Variants in ANKS1A observed in about 807,000 individuals in gnomAD.
ANKS1A encodes ankyrin repeat and SAM domain-containing protein 1A.
A neutral mutation model predicts 120.3 loss-of-function variants in ANKS1A; 55 were observed. The ratio of observed to expected loss-of-function variants is 0.46; its 90% CI spans 0.37 to 0.57. The LOEUF is 0.57. Ranked by LOEUF, ANKS1A falls within the 20% of genes least tolerant of loss-of-function variation. ANKS1A has a pLI of 0.00. For missense variants in ANKS1A, 1,123 were observed against 1,480.3 expected (o/e 0.76, Z 3.96); for synonymous variants, 590 against 604.7 (o/e 0.98, Z 0.36).
intron 1 of ANKS1A, among the ~76,000 whole-genome samples, chr6:34,897,629 A>G (rs1767154887): frequency 6.6e-6 from 1 of 152,212 alleles, no homozygotes; most frequent in South Asian, 2.1e-4. Context: ...AGAGAAAATT[A>G]TATCGTATAA....
downstream of ANKS1A, among the ~76,000 whole-genome samples, chr6:35,092,544 G>A (rs1460413257): frequency 6.6e-6 from 1 of 152,164 alleles, no homozygotes; most frequent in Non-Finnish European, 1.5e-5. Flanking sequence ...GAGGCCCAGT[G>A]GGGGAGGCCT....
chr6:34,954,242 G>T (rs918897330), intron 1 of ANKS1A, among the ~76,000 whole-genome samples: 3 of 152,048 alleles, frequency 2.0e-5, no homozygotes, highest in Admixed American at 1.3e-4. Context: ...AGAGGGAGCC[G>T]GTGTCTCACT....
rs369503225 is a variant in ANKS1A at position 34,929,293 on chromosome 6, CTT to C, written c.198-37945_198-37944del. On this transcript the variant is annotated intron_variant, in intron 1 of 23. Coordinates refer to ENST00000360359, the MANE Select transcript of ANKS1A (RefSeq NM_015245.3). ...GGTTACATTTTATGTACTTTTGACTCTTATAAGCAAAAGTACCTTGCATGGTA... is the reference window on the plus strand; with the variant it reads ...GGTTACATTTTATGTACTTTTGACTCATAAGCAAAAGTACCTTGCATGGTA... Among the ~76,000 whole-genome samples the C allele has an allele frequency of 4.2e-3, 645 of 152,134 alleles. 2 individuals carry two copies. The highest frequency in any genetic ancestry group is 0.014 in the African/African-American group (582 of 41,510).
rs1778170847 is a variant in ANKS1A at position 35,089,297 on chromosome 6, T to C, written c.*688T>C. On this transcript the variant is annotated 3_prime_UTR_variant, in exon 24 of 24. Coordinates refer to ENST00000360359, the MANE Select transcript of ANKS1A (RefSeq NM_015245.3). ...TTTCTGGGGTTCCCGATGGGAAGGT[T>C]CAGTGGCCAAATGAAGATAAGTGTG... The C allele has an allele frequency of 1.0e-6, 1 of 987,816 alleles. No individual in the cohort carries two copies. The highest frequency in any genetic ancestry group is 1.7e-5 in the African/African-American group (1 of 57,350). The allele number at this position is 987,816 out of a possible 1,614,324, so 61.2% of individuals were successfully genotyped here. A position where few individuals can be genotyped will look rare whatever the true frequency, so the allele number is the denominator to read the frequency against.
chr6:35,005,638 G>A (rs1773407524), intron 10 of ANKS1A: 2 of 407,240 alleles, frequency 4.9e-6, no homozygotes, highest in African/African-American at 2.1e-5. Flanking sequence ...AGAAAGAAAA[G>A]TAAAAGTAAA....
At chr6:35,080,436 T>C (rs1288380437) in intron 16 of ANKS1A, among the ~76,000 whole-genome samples, 1 of 152,196 alleles carries the variant, frequency 6.6e-6, no homozygotes, top group African/African-American at 2.4e-5. Context: ...GGCCAGAACA[T>C]GCAGGAATGG....
chr6:34,980,432 T>G (rs1015977915), intron 3 of ANKS1A, among the ~76,000 whole-genome samples: 1 of 152,220 alleles, frequency 6.6e-6, no homozygotes, highest in Admixed American at 6.5e-5. Context: ...CTTGGTATAG[T>G]TGGAAAAAAT....
At chr6:35,035,414 A>C (rs1305537905) in intron 11 of ANKS1A, among the ~76,000 whole-genome samples, 3 of 152,240 alleles carry the variant, frequency 2.0e-5, no homozygotes, top group Non-Finnish European at 4.4e-5. Flanking sequence ...TCTAAAATAC[A>C]CTTCTATTTA....
At chr6:34,953,335 G>T (rs927118212) in intron 1 of ANKS1A, among the ~76,000 whole-genome samples, 5 of 152,194 alleles carry the variant, frequency 3.3e-5, no homozygotes, top group Non-Finnish European at 1.5e-5. Flanking sequence ...CTGGGAAGGT[G>T]AGGAAGAAGT....
chr6:34,961,782 C>G (rs1250473737), intron 1 of ANKS1A, among the ~76,000 whole-genome samples: 1 of 152,172 alleles, frequency 6.6e-6, no homozygotes, highest in Non-Finnish European at 1.5e-5. Flanking sequence ...CCGCTTTAAC[C>G]AGCCTTGGTG....
rs1370229823 is a variant in ANKS1A at position 35,044,912 on chromosome 6, CTG to C, written c.2011-9184_2011-9183del. Among the ~76,000 whole-genome samples the C allele has an allele frequency of 6.6e-6, 1 of 152,202 alleles. No homozygotes were observed. Among genetic ancestry groups the C allele is most frequent in the African/African-American group, 2.4e-5 (1 of 41,444 alleles). ...GTGGTGTGGACTATTTGCCTGGCATCTGTGGTTTTACGAGGACTACAGATGTT... is the reference window on the plus strand; with the variant it reads ...GTGGTGTGGACTATTTGCCTGGCATCTGGTTTTACGAGGACTACAGATGTT... On this transcript the variant is annotated intron_variant, in intron 11 of 23. Coordinates refer to ENST00000360359, the MANE Select transcript of ANKS1A (RefSeq NM_015245.3). This position sits in a 1 kb window ranked among gnomAD's most constrained non-coding sequence, Gnocchi z 4.4.
intron 9 of ANKS1A, among the ~76,000 whole-genome samples, chr6:34,991,731 CACATATATAT>C (rs1581608765): frequency 2.5e-5 from 2 of 79,500 alleles, no homozygotes; most frequent in Non-Finnish European, 5.1e-5. Context: ...TACATATATA[CACATATATAT>C]ACATATATAC....
intron 10 of ANKS1A, chr6:35,009,980 A>G: frequency 3.9e-6 from 1 of 259,584 alleles, no homozygotes; most frequent in Non-Finnish European, 7.6e-6. Context: ...CCAAAACAGA[A>G]CTTAGCCTGG....
intron 10 of ANKS1A, among the ~76,000 whole-genome samples, chr6:35,016,749 A>G (rs185613246): frequency 1.3e-3 from 189 of 142,160 alleles, no homozygotes; most frequent in African/African-American, 4.4e-3. Context: ...GGAAGAAGCA[A>G]GATGTGCACA....
Position 34,928,533 on chromosome 6 carries a change from C to CT in ANKS1A, c.198-38695dup, listed in dbSNP as rs35762253. ...TTGTCTCAATTATTTTTAGAGGAGT[C>CT]TTTTTTTTTTTCTCTTTTTTGCTCA... is the stretch of plus-strand genomic sequence containing the variant. On this transcript the variant is annotated intron_variant, in intron 1 of 23. Coordinates refer to ENST00000360359, the MANE Select transcript of ANKS1A (RefSeq NM_015245.3). Among the ~76,000 whole-genome samples, 1,069 of 148,140 alleles carry CT rather than the reference C, an allele frequency of 7.2e-3. 7 individuals are homozygous for CT. The highest frequency in any genetic ancestry group is 0.024 in the African/African-American group (971 of 40,540).
At position 35,058,423 on chromosome 6, in the gene ANKS1A, A is replaced by G. The variant is rs1288975078; in HGVS notation, c.2078-1724A>G. ...GTAGGCTCCTGGAGCAGACTTCCCC[A>G]TTCAAGGGCAGGGGAGCTCAAGTAT... On this transcript the variant is annotated intron_variant, in intron 12 of 23. Coordinates refer to ENST00000360359, the MANE Select transcript of ANKS1A (RefSeq NM_015245.3). This position sits in a 1 kb window ranked among gnomAD's most constrained non-coding sequence, Gnocchi z 5.1. 6.6e-6 allele frequency: 1 copy of G among 152,206 alleles called. No homozygotes were observed. Among genetic ancestry groups the G allele is most frequent in the Admixed American group, 6.5e-5 (1 of 15,284 alleles). 9.4% of individuals were successfully genotyped at this position (152,206 alleles called of 1,614,324 possible).
At position 34,983,127 on chromosome 6, in the gene ANKS1A, A is replaced by G; in HGVS notation, c.823A>G (p.Ile275Val). ...TGCCTTTCTAGGAACTGACGTCAAC[A>G]TAAAAGATAACCATGGACTGACTGC... ...ILLAAGTDVN[I>V]KDNHGLTALD... is the part of the protein sequence containing the mutation. The change falls in exon 6 of 24, where the codon ATA becomes GTA. Residue 275 changes from isoleucine to valine, a missense_variant. By Grantham distance (29) the Ile-to-Val change is conservative. Transcript: ENST00000360359. The G allele has an allele frequency of 3.7e-6, 6 of 1,614,202 alleles. No individual in the cohort carries two copies. The highest frequency in any genetic ancestry group is 5.1e-6 in the Non-Finnish European group (6 of 1,180,040).
At position 35,090,281 on chromosome 6, in the gene ANKS1A, CTTCCAAGAGTT is replaced by C; in HGVS notation, c.*1673_*1683del. 7.8e-7 allele frequency: 1 copy of C among 1,289,768 alleles called. No homozygotes were observed. Among genetic ancestry groups the C allele is most frequent in the Non-Finnish European group, 1.0e-6 (1 of 988,864 alleles). 79.9% of individuals were successfully genotyped at this position (1,289,768 alleles called of 1,614,324 possible). On this transcript the variant is annotated 3_prime_UTR_variant, in exon 24 of 24. Transcript: ENST00000360359. ...CTGTACAGTTCTCGGCCCCGGCTTT[CTTCCAAGAGTT>C]GACCAGGAACCCTAAAGCATCCAGA...
intron 1 of ANKS1A, among the ~76,000 whole-genome samples, chr6:34,905,867 T>A (rs1275159762): frequency 1.3e-5 from 2 of 152,216 alleles, no homozygotes; most frequent in Non-Finnish European, 2.9e-5. Context: ...TCTGTCTGGA[T>A]CACTGGGGTC....
Sources: gnomAD v4.1 joint callset for allele counts (sites outside exome capture counted in the v4.1 genomes callset) on GRCh38, gnomAD v4.1.1 for gene constraint, Gnocchi (gnomAD v3.1) non-coding constraint, MANE v1.5 for transcripts, NCBI Gene and HGNC (gene_info 2026-07-23, HGNC 2026-07-21) for gene names.